Variants in KDM6A observed in about 807,000 individuals in gnomAD.
KDM6A encodes lysine-specific demethylase 6A.
A neutral mutation model predicts 117.6 loss-of-function variants in KDM6A; 11 were observed. The ratio of observed to expected loss-of-function variants is 0.09; its 90% CI spans 0.06 to 0.15. The LOEUF is 0.15. Ranked by LOEUF, KDM6A falls within the 10% of genes least tolerant of loss-of-function variation. The pLI is 1.00. For missense variants in KDM6A, 799 were observed against 1,077.3 expected, an observed-to-expected ratio of 0.74 and a Z score of 3.62; for synonymous variants, 384 against 396.1, an observed-to-expected ratio of 0.97 and a Z score of 0.36.
chrX:44,972,270 A>G (rs985892532), intron 3 of KDM6A, among the ~76,000 whole-genome samples: 2 of 111,233 alleles, frequency 1.8e-5, no homozygotes, highest in Non-Finnish European at 3.8e-5. Flanking sequence ...TACCTACTCT[A>G]CAAGTTAAGA....
intron 20 of KDM6A, among the ~76,000 whole-genome samples, chrX:45,078,931 C>T (rs768912202): frequency 1.2e-4 from 13 of 110,218 alleles, no homozygotes; most frequent in East Asian, 1.1e-3. Context: ...AATTCTTTCT[C>T]GGATGGGATG....
intron 2 of KDM6A, among the ~76,000 whole-genome samples, chrX:44,927,246 C>T (rs1045902753): frequency 2.7e-5 from 3 of 111,061 alleles, no homozygotes; most frequent in Non-Finnish European, 5.7e-5. Flanking sequence ...GCCCTTATCT[C>T]CCTTCAGTAG....
chrX:44,943,585 A>G (rs2037459260), intron 2 of KDM6A, among the ~76,000 whole-genome samples: 1 of 112,268 alleles, frequency 8.9e-6, no homozygotes, highest in Non-Finnish European at 1.9e-5. Context: ...TTCACTCAGC[A>G]TGTGTTCGAG....
At chrX:44,984,991 A>G (rs2040131281) in intron 4 of KDM6A, among the ~76,000 whole-genome samples, 1 of 110,020 alleles carries the variant, frequency 9.1e-6, no homozygotes, top group Non-Finnish European at 1.9e-5. Context: ...GAATCTATAA[A>G]TTACCTTGGG....
chrX:44,997,950 C>T (rs774462157), intron 4 of KDM6A, among the ~76,000 whole-genome samples: 1 of 111,800 alleles, frequency 8.9e-6, no homozygotes, highest in Non-Finnish European at 1.9e-5. Context: ...GTTATTTGTC[C>T]TGACTGAAGT....
chrX:45,033,485 G>A (rs986713671), intron 6 of KDM6A, among the ~76,000 whole-genome samples: 2 of 111,800 alleles, frequency 1.8e-5, no homozygotes, highest in Non-Finnish European at 3.8e-5. Flanking sequence ...TTGAGAAGAT[G>A]TAATCAGCTT....
At chrX:44,878,252 C>T (rs1335142702) in intron 2 of KDM6A, among the ~76,000 whole-genome samples, 1 of 111,014 alleles carries the variant, frequency 9.0e-6, no homozygotes, top group Non-Finnish European at 1.9e-5. Flanking sequence ...CATGTTGGTA[C>T]CCAAAAAGTT....
intron 2 of KDM6A, among the ~76,000 whole-genome samples, chrX:44,950,560 A>G (rs1394663458): frequency 9.3e-6 from 1 of 107,061 alleles, no homozygotes; most frequent in Non-Finnish European, 1.9e-5. Context: ...GCTTCTTTTT[A>G]TTTAATGTAT....
chrX:45,010,192 G>A (rs1373664143), intron 4 of KDM6A, among the ~76,000 whole-genome samples: 2 of 110,497 alleles, frequency 1.8e-5, no homozygotes, highest in Non-Finnish European at 3.8e-5. Context: ...AGTAGGATCT[G>A]GGCATGGTGT....
chrX:44,907,665 C>A (rs2034805446), intron 2 of KDM6A, among the ~76,000 whole-genome samples: 1 of 106,407 alleles, frequency 9.4e-6, no homozygotes, highest in Admixed American at 1.0e-4. Flanking sequence ...TCAGGCTGGT[C>A]TCGAACTCCT....
At chrX:45,029,750 A>G (rs2042530209) in intron 6 of KDM6A, among the ~76,000 whole-genome samples, 1 of 111,773 alleles carries the variant, frequency 8.9e-6, no homozygotes, top group African/African-American at 3.3e-5. Flanking sequence ...CAAATTGCTC[A>G]CTAGATAGAA....
intron 2 of KDM6A, among the ~76,000 whole-genome samples, chrX:44,897,499 A>G (rs906918718): frequency 9.0e-5 from 10 of 110,958 alleles, no homozygotes; most frequent in Non-Finnish European, 1.5e-4. Context: ...GGTTTCTGGT[A>G]TGGCATGAGA....
At chrX:45,064,225 C>G (rs1027473790) in intron 17 of KDM6A, among the ~76,000 whole-genome samples, 3 of 111,680 alleles carry the variant, frequency 2.7e-5, no homozygotes, top group African/African-American at 9.8e-5. Context: ...AAGTATTTAC[C>G]ATAATGACTG....
chrX:45,043,534 T>C (rs138558172), intron 8 of KDM6A, among the ~76,000 whole-genome samples: 7,879 of 110,915 alleles, frequency 0.071, 376 homozygotes, highest in East Asian at 0.38. Context: ...CCCAGCACTT[T>C]GGGAGGCCGA....
chrX:44,934,167 C>CT (rs1461271672), intron 2 of KDM6A, among the ~76,000 whole-genome samples: 1 of 111,897 alleles, frequency 8.9e-6, no homozygotes, highest in East Asian at 2.8e-4. Flanking sequence ...AATATATAAT[C>CT]TATCAGTTCT....
At chrX:45,047,389 T>G (rs1241577068) in intron 8 of KDM6A, among the ~76,000 whole-genome samples, 1 of 108,818 alleles carries the variant, frequency 9.2e-6, no homozygotes, top group Non-Finnish European at 1.9e-5. Context: ...TTTTTTTAAC[T>G]TTTAACTTTT....
At chrX:45,092,658 G>C (rs1404308185) in intron 27 of KDM6A, among the ~76,000 whole-genome samples, 2 of 111,594 alleles carry the variant, frequency 1.8e-5, no homozygotes, top group South Asian at 7.4e-4. Flanking sequence ...TTCAATTCTA[G>C]TAGAACAAGA....
In KDM6A at chrX:44,873,664, C is replaced by T; in HGVS notation, c.113C>T (p.Ser38Phe). Residue 38 changes from serine (S) to phenylalanine (F), a missense_variant, in exon 1 of 30, where the codon TCC (serine) becomes TTC (phenylalanine). Physicochemically the swap from Ser to Phe is radical, Grantham distance 155. Transcript: ENST00000611820. ...GCGAGCGGCGAGAGCGAGGAGGCGT[C>T]CCCCAGCCTGACAGCCGAGGAGAGG... ...GKASGESEEA[S>F]PSLTAEEREA... 8.4e-7 allele frequency: 1 copy of T among 1,187,346 alleles called. No individual in the cohort carries two copies. The highest frequency in any genetic ancestry group is 1.1e-6 in the Non-Finnish European group (1 of 883,813).
intron 4 of KDM6A, among the ~76,000 whole-genome samples, chrX:44,988,942 A>G (rs1421148516): frequency 1.8e-5 from 2 of 110,059 alleles, no homozygotes; most frequent in Admixed American, 9.8e-5. Flanking sequence ...GCTGTCAGAC[A>G]GGGACATCTA....
Sources: allele counts gnomAD v4.1 joint callset (sites outside exome capture counted in the v4.1 genomes callset), GRCh38; gene constraint gnomAD v4.1.1; transcripts MANE v1.5; gene names NCBI Gene and HGNC (gene_info 2026-07-23, HGNC 2026-07-21).